AHI1: variants seen among roughly 807,000 people sequenced by gnomAD.
AHI1 encodes jouberin.
In AHI1, 123 loss-of-function variants were observed where a neutral mutation model predicts 149.3. That is an observed-to-expected ratio of 0.82 (90% confidence interval 0.71 to 0.96). The LOEUF (loss-of-function observed/expected upper bound fraction) is 0.96, where lower values mean the gene tolerates loss of function less well. Among genes scored for constraint, AHI1 ranks in the 40% least tolerant of loss-of-function variants. The pLI, the probability that AHI1 is intolerant of heterozygous loss-of-function variation, is 0.00. For missense variants in AHI1, 1,439 were observed against 1,422.7 expected, an observed-to-expected ratio of 1.01 and a Z score of -0.18; for synonymous variants, 475 against 459.8, an observed-to-expected ratio of 1.03 and a Z score of -0.42.
intron 13 of AHI1, among the ~76,000 whole-genome samples, chr6:135,444,848 A>G (rs1482901641): frequency 6.6e-6 from 1 of 152,266 alleles, no homozygotes; most frequent in African/African-American, 2.4e-5. Flanking sequence ...GAATGAGACT[A>G]GTAACACCTT....
chr6:135,446,557 T>C (rs1787253864), intron 13 of AHI1, among the ~76,000 whole-genome samples: 1 of 152,196 alleles, frequency 6.6e-6, no homozygotes, highest in Admixed American at 6.5e-5. Context: ...ATGAATCAGA[T>C]TCGTGCCCTT....
At chr6:135,426,345 T>A (rs1783911467) in intron 20 of AHI1, among the ~76,000 whole-genome samples, 1 of 151,720 alleles carries the variant, frequency 6.6e-6, no homozygotes, top group African/African-American at 2.4e-5. Flanking sequence ...TTTTCTAGCA[T>A]AATTTACCCT....
chr6:135,421,689 G>T (rs75426590), intron 20 of AHI1, among the ~76,000 whole-genome samples: 3,603 of 152,210 alleles, frequency 0.024, 159 homozygotes, highest in African/African-American at 0.081. Flanking sequence ...TAAAGAGGAA[G>T]TCAGGGCTCT....
intron 13 of AHI1, among the ~76,000 whole-genome samples, chr6:135,446,134 C>T (rs1337439904): frequency 6.6e-6 from 1 of 152,104 alleles, no homozygotes; most frequent in Non-Finnish European, 1.5e-5. Flanking sequence ...CTGTTATAGG[C>T]TGAATTGTGT....
At chr6:135,422,473 T>C (rs1344911603) in intron 20 of AHI1, among the ~76,000 whole-genome samples, 1 of 151,676 alleles carries the variant, frequency 6.6e-6, no homozygotes, top group African/African-American at 2.4e-5. Flanking sequence ...GCTACTGCAC[T>C]CCAGCTTGGG....
intron 27 of AHI1, among the ~76,000 whole-genome samples, chr6:135,297,809 A>G (rs1325707857): frequency 6.6e-6 from 1 of 152,210 alleles, no homozygotes; most frequent in Non-Finnish European, 1.5e-5. Flanking sequence ...CTCCTCATAA[A>G]GAGAAATGAA....
At chr6:135,478,094 C>T (rs1793004019) in intron 5 of AHI1, among the ~76,000 whole-genome samples, 1 of 152,170 alleles carries the variant, frequency 6.6e-6, no homozygotes, top group Admixed American at 6.5e-5. Flanking sequence ...AGCCACAGCG[C>T]CGAGCCTCAG....
At chr6:135,341,244 T>C (rs1218142608) in intron 24 of AHI1, among the ~76,000 whole-genome samples, 1 of 151,916 alleles carries the variant, frequency 6.6e-6, no homozygotes, top group Non-Finnish European at 1.5e-5. Flanking sequence ...TACAAGACTG[T>C]TGAAAAATGG....
chr6:135,466,156 A>C lies in AHI1; in HGVS notation c.407T>G (p.Leu136Trp). ...NKKVIKTVPQ[L>W]TTQDLKPETP... ...TTCCGGTTTCAGGTCTTGTGTAGTC[A>C]ACTGGGGCACCGTCTTTATCACCTT... Residue 136 changes from leucine (L) to tryptophan (W), a missense_variant, in exon 7 of 29, where the codon TTG becomes TGG. Leu to Trp is a moderately conservative substitution (Grantham distance 61). Coordinates refer to ENST00000265602, the MANE Select transcript of AHI1 (RefSeq NM_001134831.2). 1.2e-6 allele frequency: 2 copies of C among 1,613,878 alleles called. No homozygotes were observed. Among genetic ancestry groups the C allele is most frequent in the East Asian group, 4.5e-5 (2 of 44,878 alleles).
At chr6:135,492,869 T>C in intron 3 of AHI1, 1 of 985,250 alleles carries the variant, frequency 1.0e-6, no homozygotes, top group Non-Finnish European at 1.2e-6. Flanking sequence ...GTATGTATAT[T>C]ACTAAATTGC....
chr6:135,451,121 C>T (rs1283423264), intron 11 of AHI1, among the ~76,000 whole-genome samples: 3 of 152,006 alleles, frequency 2.0e-5, no homozygotes, highest in Non-Finnish European at 2.9e-5. Context: ...CTCAGCCTCC[C>T]GAGTAGCTGG....
At chr6:135,337,130 C>T (rs536198450) in intron 24 of AHI1, among the ~76,000 whole-genome samples, 2 of 152,212 alleles carry the variant, frequency 1.3e-5, no homozygotes, top group African/African-American at 4.8e-5. Context: ...GCTTGGTTCA[C>T]TGCTTGTCAC....
Position 135,428,632 on chromosome 6 carries a change from T to C in AHI1, c.2620A>G (p.Thr874Ala), listed in dbSNP as rs376705634. Residue 874 changes from threonine (T) to alanine (A), a missense_variant, in exon 19 of 29, where the codon ACA (threonine) becomes GCA (alanine). By Grantham distance (58) the Thr-to-Ala change is moderately conservative (BLOSUM62 0). Coordinates refer to ENST00000265602, the MANE Select transcript of AHI1 (RefSeq NM_001134831.2). ...DGIVYVWNPE[T>A]GEQVAMYSDL... ...TTAAAGTTCAATAAACATTCACCTG[T>C]TTCTGGGTTCCAAACATACACTATA... 2 of 1,598,166 alleles carry C rather than the reference T, an allele frequency of 1.3e-6. No homozygotes were observed.
At chr6:135,406,239 T>C (rs1188543561) in intron 21 of AHI1, among the ~76,000 whole-genome samples, 1 of 152,234 alleles carries the variant, frequency 6.6e-6, no homozygotes, top group African/African-American at 2.4e-5. Flanking sequence ...ATTTTATCAG[T>C]GCATCCACAG....
At chr6:135,480,295 G>GA (rs1583455197) in intron 5 of AHI1, among the ~76,000 whole-genome samples, 1 of 151,852 alleles carries the variant, frequency 6.6e-6, no homozygotes, top group Non-Finnish European at 1.5e-5. Flanking sequence ...TGTCTCTACA[G>GA]AAAAAAACAA....
At chr6:135,401,056 C>G (rs1458287753) in intron 22 of AHI1, among the ~76,000 whole-genome samples, 1 of 152,168 alleles carries the variant, frequency 6.6e-6, no homozygotes, top group Admixed American at 6.5e-5. Flanking sequence ...ATTGTTTCCC[C>G]TTGCTTGCTC....
Position 135,344,926 on chromosome 6 carries a change from T to TCACACACACACACACACA in AHI1, c.3165+13188_3165+13205dup, listed in dbSNP as rs59084001. Among the ~76,000 whole-genome samples the TCACACACACACACACACA allele has an allele frequency of 1.9e-3, 274 of 145,788 alleles. 2 individuals carry two copies. Among genetic ancestry groups the TCACACACACACACACACA allele is most frequent in the African/African-American group, 6.1e-3 (239 of 39,144 alleles). The stretch of plus-strand genomic sequence containing the variant: ...TCAGTTTATTGAAATAAGCTCTGAT[T>TCACACACACACACACACA]CACACACACACACACACACACACAC... On this transcript the variant is annotated intron_variant, in intron 24 of 28. Coordinates refer to ENST00000265602, the MANE Select transcript of AHI1 (RefSeq NM_001134831.2).
At chr6:135,404,215 T>C (rs1411306398) in intron 22 of AHI1, among the ~76,000 whole-genome samples, 1 of 152,222 alleles carries the variant, frequency 6.6e-6, no homozygotes, top group Non-Finnish European at 1.5e-5. Flanking sequence ...TGAACTCATG[T>C]TGCCATTCCA....
At chr6:135,483,015 C>A (rs1793945932) in intron 5 of AHI1, among the ~76,000 whole-genome samples, 1 of 149,396 alleles carries the variant, frequency 6.7e-6, no homozygotes, top group Admixed American at 6.8e-5. Context: ...CCTCGGCCTC[C>A]CAAGTAGCTG....
Sources: allele counts gnomAD v4.1 joint callset (sites outside exome capture counted in the v4.1 genomes callset), GRCh38; gene constraint gnomAD v4.1.1; transcripts MANE v1.5; gene names NCBI Gene and HGNC (gene_info 2026-07-23, HGNC 2026-07-21).